The following SND1 variants were observed in gnomAD, a reference collection of about 807,000 sequenced individuals.
SND1 encodes the protein staphylococcal nuclease and tudor domain containing 1, also known as staphylococcal nuclease domain-containing protein 1.
Under a neutral mutation model 121.7 loss-of-function variants are expected in SND1, and 38 were observed. The ratio of observed to expected loss-of-function variants is 0.31; its 90% confidence interval spans 0.24 to 0.41. The LOEUF (loss-of-function observed/expected upper bound fraction) is 0.41. SND1 is among the 10% of genes least tolerant of loss of function. The pLI is 1.00. For synonymous variants in SND1, 401 were observed against 447.4 expected (o/e 0.90, Z 1.31); for missense variants, 868 against 1,184.6 (o/e 0.73, Z 3.92).
At chr7:128,088,742 C>T (rs1793727314) in intron 21 of SND1, among the ~76,000 whole-genome samples, 3 of 151,542 alleles carry the variant, frequency 2.0e-5, no homozygotes, top group South Asian at 4.2e-4. Flanking sequence ...CATGAGCCAC[C>T]ACACCTGGCC....
At chr7:127,747,233 G>A (rs1401157030) in intron 10 of SND1, among the ~76,000 whole-genome samples, 14 of 152,138 alleles carry the variant, frequency 9.2e-5, no homozygotes, top group Non-Finnish European at 2.9e-5. Flanking sequence ...TAGAGACGCT[G>A]GTGTGCCCTA....
chr7:127,826,691 G>A (rs1798649009), intron 11 of SND1, among the ~76,000 whole-genome samples: 1 of 152,036 alleles, frequency 6.6e-6, no homozygotes, highest in Non-Finnish European at 1.5e-5. Context: ...TTTAGCCTAG[G>A]TACTAATGAT....
At chr7:127,827,361 A>G (rs918128489) in intron 11 of SND1, among the ~76,000 whole-genome samples, 2 of 152,256 alleles carry the variant, frequency 1.3e-5, no homozygotes, top group Admixed American at 6.5e-5. Flanking sequence ...AATTTTTCCT[A>G]TGCAGATACA....
chr7:127,675,847 TC>T (rs1795606272), intron 1 of SND1, among the ~76,000 whole-genome samples: 1 of 152,216 alleles, frequency 6.6e-6, no homozygotes, highest in South Asian at 2.1e-4. Flanking sequence ...GGTTAGTTCT[TC>T]CTGAGTTGTT....
At chr7:128,020,649 G>C (rs892210225) in intron 16 of SND1, among the ~76,000 whole-genome samples, 1 of 152,134 alleles carries the variant, frequency 6.6e-6, no homozygotes, top group African/African-American at 2.4e-5. Context: ...GGCCAGCCTC[G>C]ATAACATACC....
At chr7:127,718,775 ACTTT>A in intron 9 of SND1, 1 of 982,438 alleles carries the variant, frequency 1.0e-6, no homozygotes, top group Non-Finnish European at 1.2e-6. Flanking sequence ...GCACTATGAT[ACTTT>A]CTTTGGTTTT....
rs185823163 is a variant in SND1 at position 127,982,773 on chromosome 7, T to C, written c.1670-8174T>C. On this transcript the variant is annotated intron_variant, in intron 15 of 23. Coordinates refer to ENST00000354725, the MANE Select transcript of SND1 (RefSeq NM_014390.4). ...CAGTTTTCAATAGTGAACTGATTCA[T>C]TGACATCGTTTGCAACCTGAGCCAT... is the stretch of plus-strand genomic sequence containing the variant. Among the ~76,000 whole-genome samples, 279 of 152,358 alleles carry C rather than the reference T, an allele frequency of 1.8e-3. 1 individual carries two copies. The highest frequency in any genetic ancestry group is 3.0e-3 in the Non-Finnish European group (207 of 68,036).
intron 10 of SND1, among the ~76,000 whole-genome samples, chr7:127,728,536 G>T (rs895907584): frequency 6.6e-6 from 1 of 152,150 alleles, no homozygotes; most frequent in Non-Finnish European, 1.5e-5. Flanking sequence ...GTTCTTGAAG[G>T]CCCCTTTAGG....
chr7:127,696,316 A>G (rs1196289998), intron 3 of SND1, among the ~76,000 whole-genome samples: 6 of 152,204 alleles, frequency 3.9e-5, no homozygotes, highest in Non-Finnish European at 7.3e-5. Flanking sequence ...TAGTAGAGAA[A>G]TACCTCTTTT....
chr7:127,716,842 A>G (rs1357297951), intron 9 of SND1, among the ~76,000 whole-genome samples: 1 of 152,204 alleles, frequency 6.6e-6, no homozygotes, highest in African/African-American at 2.4e-5. Flanking sequence ...AGAGAATCAA[A>G]AAATACCTGC....
At chr7:128,005,744 C>G (rs1412005508) in intron 16 of SND1, among the ~76,000 whole-genome samples, 1 of 152,162 alleles carries the variant, frequency 6.6e-6, no homozygotes, top group Non-Finnish European at 1.5e-5. Context: ...AGGTACTGAA[C>G]AGGAAAACTG....
Position 128,085,644 on chromosome 7 carries a change from G to A in SND1, c.2235-67G>A. 7.0e-7 allele frequency: 1 copy of A among 1,425,146 alleles called. No homozygotes were observed. The highest frequency in any genetic ancestry group is 9.9e-7 in the Non-Finnish European group (1 of 1,010,588). The allele number at this position is 1,425,146 out of a possible 1,614,324, so 88.3% of individuals were successfully genotyped here. A position where few individuals can be genotyped will look rare whatever the true frequency, so the allele number is the denominator to read the frequency against. ...AATGCTGTGCCCCTGCCCCGCCATT[G>A]CTGAGGCTCTGGGAGCCCAGAGTCC... is the stretch of plus-strand genomic sequence containing the variant. On this transcript the variant is annotated intron_variant, in intron 19 of 23. Coordinates refer to ENST00000354725, the MANE Select transcript of SND1 (RefSeq NM_014390.4). The surrounding 1 kb of genome is among the most constrained non-coding windows in gnomAD (Gnocchi z 4.4).
chr7:127,951,384 CAG>C (rs1302939889), intron 15 of SND1, among the ~76,000 whole-genome samples: 1 of 152,102 alleles, frequency 6.6e-6, no homozygotes, highest in Admixed American at 6.5e-5. Context: ...CTCATAGAAA[CAG>C]AGAATAGAGT....
At chr7:127,816,662 CTTT>C (rs919893026) in intron 11 of SND1, among the ~76,000 whole-genome samples, 4 of 135,226 alleles carry the variant, frequency 3.0e-5, no homozygotes, top group African/African-American at 5.6e-5. Context: ...TTCTCAAACT[CTTT>C]TTTTTTTTTT....
At chr7:128,036,154 GGTCTACATGGAAATA>G (rs765797230) in intron 16 of SND1, among the ~76,000 whole-genome samples, 21 of 152,112 alleles carry the variant, frequency 1.4e-4, no homozygotes, top group Non-Finnish European at 2.8e-4. Context: ...AAGTAGGAAT[GGTCTACATGGAAATA>G]GTCACTGCCT....
chr7:127,828,337 GAT>G (rs1037813054), intron 11 of SND1, among the ~76,000 whole-genome samples: 3 of 151,592 alleles, frequency 2.0e-5, no homozygotes. Flanking sequence ...TGGTTGTTCT[GAT>G]ATATATATAT....
intron 14 of SND1, among the ~76,000 whole-genome samples, chr7:127,906,747 G>T (rs1800350347): frequency 6.6e-6 from 1 of 152,152 alleles, no homozygotes; most frequent in African/African-American, 2.4e-5. Context: ...AGGCACACCA[G>T]TCTCAGGGTT....
At chr7:127,936,680 ACAG>A (rs1801068653) in intron 15 of SND1, among the ~76,000 whole-genome samples, 1 of 151,994 alleles carries the variant, frequency 6.6e-6, no homozygotes, top group Non-Finnish European at 1.5e-5. Context: ...AGTATCTGAG[ACAG>A]CAGGTGCATG....
At position 128,028,784 on chromosome 7, in the gene SND1, T is replaced by C. The variant is rs761830180; in HGVS notation, c.1779+37728T>C. 6 of 1,614,168 alleles carry C rather than the reference T, an allele frequency of 3.7e-6. No homozygotes were observed. The Admixed American group carries it at 6.7e-5, about 18-fold the overall frequency. ...GCAGAGAGTTCCCCAGGCTGTTTTC[T>C]GTCCAGTGGGCCCCATGTGCTGGTT... On this transcript the variant is annotated intron_variant, in intron 16 of 23. Transcript: ENST00000354725.
Sources: allele counts gnomAD v4.1 joint callset (sites outside exome capture counted in the v4.1 genomes callset), GRCh38; gene constraint gnomAD v4.1.1; non-coding constraint Gnocchi (gnomAD v3.1); transcripts MANE v1.5; gene names NCBI Gene and HGNC (gene_info 2026-07-23, HGNC 2026-07-21).